Variants in SMARCA1 observed in about 807,000 individuals in gnomAD.
The protein encoded by SMARCA1 is SNF2 related chromatin remodeling ATPase 1, also known as SWI/SNF-related matrix-associated actin-dependent regulator of chromatin subfamily A member 1.
A neutral mutation model predicts 93.6 loss-of-function variants in SMARCA1; 17 were observed. That is an observed-to-expected ratio of 0.18 (90% CI 0.12 to 0.27). SMARCA1 has a LOEUF of 0.27. SMARCA1 is among the 10% of genes least tolerant of loss of function. SMARCA1 has a pLI of 1.00. For synonymous variants in SMARCA1, 271 were observed against 271.4 expected (o/e 1.00, Z 0.01); for missense variants, 630 against 819.0 (o/e 0.77, Z 2.82).
chrX:129,514,858 G>A (rs1269011758), intron 5 of SMARCA1, among the ~76,000 whole-genome samples: 2 of 110,228 alleles, frequency 1.8e-5, no homozygotes, highest in African/African-American at 6.6e-5. Flanking sequence ...GACCAGCCTG[G>A]CCAAAACGGT....
intron 19 of SMARCA1, among the ~76,000 whole-genome samples, chrX:129,475,992 T>C (rs776314908): frequency 8.9e-6 from 1 of 112,655 alleles, no homozygotes; most frequent in Non-Finnish European, 1.9e-5. Context: ...TTATTGGGGA[T>C]AAATGTTAGA....
intron 21 of SMARCA1, among the ~76,000 whole-genome samples, chrX:129,467,808 A>AG (rs1478202926): frequency 1.8e-5 from 2 of 111,414 alleles, no homozygotes; most frequent in Non-Finnish European, 3.8e-5. Flanking sequence ...TTTCAGTGGT[A>AG]GGGTTAAATA....
At chrX:129,516,204 ATTTT>A (rs1935193715) in intron 3 of SMARCA1, 123 bp downstream of exon 3, 1 of 664,889 alleles carries the variant, frequency 1.5e-6, no homozygotes, top group African/African-American at 2.2e-5. Flanking sequence ...TAATGGCAAT[ATTTT>A]TTGTCACATG....
At chrX:129,486,868 G>A (rs1343366131) in intron 17 of SMARCA1, 150 bp downstream of exon 17, 2 of 494,745 alleles carry the variant, frequency 4.0e-6, no homozygotes, top group African/African-American at 2.3e-5. Context: ...TAAAATAAAC[G>A]AAAGATATAC....
At chrX:129,515,041 T>A (rs1935147704) in intron 5 of SMARCA1, among the ~76,000 whole-genome samples, 3 of 110,442 alleles carry the variant, frequency 2.7e-5, no homozygotes, top group Admixed American at 1.9e-4. Flanking sequence ...AGAGCGAGAC[T>A]CCATCTCAAA....
rs764568856 is a variant in SMARCA1 at position 129,481,131 on chromosome X, C to T, written c.2272G>A (p.Ala758Thr). Residue 758 changes from alanine to threonine, a missense_variant, in exon 18 of 25, where the codon GCA becomes ACA. This residue lies in a region of SMARCA1 where 382 missense variants were observed against 537.9 expected (regional missense o/e 0.71). Transcript: ENST00000371121. Reference protein sequence around the residue: ...PPKRERKANYAVDAYFREALR... With the variant: ...PPKRERKANYTVDAYFREALR... ...GCCTCTCTAAAGTAGGCATCCACTGCGTAGTTTGCTTTGCGTTCTCGTTTA... is the reference window on the plus strand; with the variant it reads ...GCCTCTCTAAAGTAGGCATCCACTGTGTAGTTTGCTTTGCGTTCTCGTTTA... 1.7e-5 allele frequency: 20 copies of T among 1,206,699 alleles called. No homozygotes were observed. The highest frequency in any genetic ancestry group is 2.1e-5 in the Non-Finnish European group (19 of 892,711).
At chrX:129,519,156 A>G (rs968415396) in intron 1 of SMARCA1, among the ~76,000 whole-genome samples, 3 of 111,910 alleles carry the variant, frequency 2.7e-5, no homozygotes, top group African/African-American at 9.7e-5. Flanking sequence ...ATTGTAATTT[A>G]GCGAAAACTA....
chrX:129,504,477 G>C (rs1675275409), intron 9 of SMARCA1, among the ~76,000 whole-genome samples: 1 of 97,681 alleles, frequency 1.0e-5, no homozygotes, highest in Non-Finnish European at 2.0e-5. Flanking sequence ...CTATTGGAGA[G>C]GACCACATTA....
chrX:129,490,290 T>C, intron 14 of SMARCA1, 98 bp from the exon 15 acceptor site: 1 of 511,428 alleles, frequency 2.0e-6, no homozygotes, highest in Non-Finnish European at 3.0e-6. Flanking sequence ...TAGTTATTTT[T>C]CTCTAGATCT....
intron 20 of SMARCA1, among the ~76,000 whole-genome samples, 168 bp downstream of exon 20, chrX:129,471,036 A>C (rs979637486): frequency 8.9e-6 from 1 of 112,005 alleles, no homozygotes; most frequent in African/African-American, 3.2e-5. Flanking sequence ...CTATAAGATC[A>C]ATTTTTAAAA....
intron 19 of SMARCA1, among the ~76,000 whole-genome samples, chrX:129,475,795 A>G (rs888412908): frequency 2.7e-5 from 3 of 112,208 alleles, no homozygotes; most frequent in Non-Finnish European, 5.6e-5. Flanking sequence ...TTGCATAGGA[A>G]ATATGGAGTA....
intron 23 of SMARCA1, among the ~76,000 whole-genome samples, chrX:129,456,780 T>C (rs1049173391): frequency 1.9e-4 from 21 of 111,738 alleles, no homozygotes; most frequent in African/African-American, 6.5e-4. Flanking sequence ...ATGATAAAAC[T>C]TGAGTGGATG....
At chrX:129,518,614 T>A in intron 1 of SMARCA1, 167 bp from the exon 2 acceptor site, 4 of 334,139 alleles carry the variant, frequency 1.2e-5, no homozygotes, top group Non-Finnish European at 1.0e-5. Context: ...ACAAGGCTTA[T>A]GATTAATCCA....
chrX:129,486,835 T>TGACGAC (rs1556303915), intron 17 of SMARCA1, among the ~76,000 whole-genome samples, 183 bp downstream of exon 17: 55 of 109,964 alleles, frequency 5.0e-4, no homozygotes, highest in African/African-American at 1.8e-3. Context: ...ATGATGATGA[T>TGACGAC]GACGACGACG....
At chrX:129,476,779 C>T (rs1423772636) in intron 19 of SMARCA1, among the ~76,000 whole-genome samples, 1 of 111,842 alleles carries the variant, frequency 8.9e-6, no homozygotes, top group Non-Finnish European at 1.9e-5. Flanking sequence ...TAAAGCAATG[C>T]TAGCTATGCC....
chrX:129,456,131 G>T lies in SMARCA1; in HGVS notation c.3031-7688C>A, dbSNP rs182145286. ...CTGGTGACTTTAAATTGAAACCAAC[G>T]CTCATTTATTATTCTGAAAATCCTA... On this transcript the variant is annotated intron_variant, in intron 23 of 24. Coordinates refer to ENST00000371121, the MANE Select transcript of SMARCA1 (RefSeq NM_001282874.2). Among the ~76,000 whole-genome samples, 7 of 111,501 alleles carry T rather than the reference G, an allele frequency of 6.3e-5. No individual in the cohort carries two copies. In the East Asian group the frequency reaches 1.7e-3, roughly 27 times the overall value.
At position 129,499,814 on chromosome X, in the gene SMARCA1, T is replaced by C. The variant is rs752892011; in HGVS notation, c.1195A>G (p.Ile399Val). 6 of 1,163,360 alleles carry C rather than the reference T, an allele frequency of 5.2e-6. No individual in the cohort carries two copies. The highest frequency in any genetic ancestry group is 2.2e-5 in the Admixed American group (1 of 45,045). Reference sequence around the variant, plus strand: ...AGACTCTTCTCTACATCAGTTTTTATACGGCGTAACAAAAATGGTTTTAAA... The same window carrying C: ...AGACTCTTCTCTACATCAGTTTTTACACGGCGTAACAAAAATGGTTTTAAA... ...AVLKPFLLRR[I>V]KTDVEKSLPP... is the part of the protein sequence containing the mutation. The change falls in exon 10 of 25, where the codon ATA (isoleucine) becomes GTA (valine). Residue 399 changes from isoleucine to valine, a missense_variant. By Grantham distance (29) the Ile-to-Val change is conservative. Coordinates refer to ENST00000371121, the MANE Select transcript of SMARCA1 (RefSeq NM_001282874.2).
chrX:129,502,953 G>A (rs1369139614), intron 9 of SMARCA1, among the ~76,000 whole-genome samples: 1 of 112,076 alleles, frequency 8.9e-6, no homozygotes, highest in Non-Finnish European at 1.9e-5. Flanking sequence ...GGATTCACAT[G>A]GAAGAATTAG....
At chrX:129,482,354 A>G (rs1218834557) in intron 17 of SMARCA1, among the ~76,000 whole-genome samples, 4 of 111,342 alleles carry the variant, frequency 3.6e-5, no homozygotes, top group Non-Finnish European at 5.7e-5. Flanking sequence ...AAAAAAGAAG[A>G]AAAAAAAGAA....
Sources: allele counts gnomAD v4.1 joint callset (sites outside exome capture counted in the v4.1 genomes callset), GRCh38; gene constraint gnomAD v4.1.1; regional missense constraint gnomAD v4.1.1; transcripts MANE v1.5; gene names NCBI Gene and HGNC (gene_info 2026-07-23, HGNC 2026-07-21).